The following RAC3 variants were observed in gnomAD, a reference collection of about 807,000 sequenced individuals.
RAC3 encodes Rac family small GTPase 3.
A neutral mutation model predicts 19.0 loss-of-function variants in RAC3; 9 were observed. The observed-to-expected ratio is 0.47, with a 90% CI of 0.29 to 0.83. The LOEUF (loss-of-function observed/expected upper bound fraction) is 0.83, where lower values mean the gene tolerates loss of function less well. RAC3 is among the 40% of genes least tolerant of loss of function. The pLI is 0.09. For missense variants in RAC3, 203 were observed against 260.8 expected (o/e 0.78, Z 1.53); for synonymous variants, 146 against 111.8 (o/e 1.31, Z -1.93).
chr17:82,032,381 C>T lies in RAC3; in HGVS notation c.36-6C>T, dbSNP rs1026908105. 8 of 1,612,256 alleles carry T rather than the reference C, an allele frequency of 5.0e-6. No homozygotes were observed. In the African/African-American group the frequency reaches 6.7e-5, roughly 13 times the overall value. Reference sequence around the variant, plus strand: ...CCGGGAGCCACGTGGCTTGCCCTGTCCGCAGCGCCGTGGGGAAGACATGCT... The same window carrying T: ...CCGGGAGCCACGTGGCTTGCCCTGTTCGCAGCGCCGTGGGGAAGACATGCT... On this transcript the variant is annotated splice_region_variant and splice_polypyrimidine_tract_variant and intron_variant, in intron 1 of 5. Transcript: ENST00000306897.
intron 1 of RAC3, 59 bp downstream of exon 1, chr17:82,031,855 T>C: frequency 4.9e-6 from 1 of 204,420 alleles, no homozygotes; most frequent in Non-Finnish European, 8.1e-6. Context: ...GCTCGGGGGC[T>C]CGGGGCGCAG....
At position 82,033,364 on chromosome 17, in the gene RAC3, T is replaced by C. The variant is rs573324939; in HGVS notation, c.289-76T>C. 2.8e-6 allele frequency: 4 copies of C among 1,445,178 alleles called. No individual in the cohort carries two copies. Among genetic ancestry groups the C allele is most frequent in the African/African-American group, 1.4e-5 (1 of 70,416 alleles). 89.5% of individuals were successfully genotyped at this position (1,445,178 alleles called of 1,614,324 possible). A position where few individuals can be genotyped will look rare whatever the true frequency, so the allele number is the denominator to read the frequency against. ...GCTCTGGAACAGTGGGGAAAGTCCCTGAGGGCCGTGACTTGCTCAGGTGGG... is the reference window on the plus strand; with the variant it reads ...GCTCTGGAACAGTGGGGAAAGTCCCCGAGGGCCGTGACTTGCTCAGGTGGG... On this transcript the variant is annotated intron_variant, in intron 4 of 5. Coordinates refer to ENST00000306897, the MANE Select transcript of RAC3 (RefSeq NM_005052.3). This position sits in a 1 kb window ranked among gnomAD's most constrained non-coding sequence, Gnocchi z 6.2.
Position 82,033,217 on chromosome 17 carries a change from G to C in RAC3, c.288+208G>C, listed in dbSNP as rs570931289. ...GGGTTCTGAGGGCTCTGGCTGCTGG[G>C]GATGGGCCTTGACTAGGAGGCCCTG... On this transcript the variant is annotated intron_variant, in intron 4 of 5. Coordinates refer to ENST00000306897, the MANE Select transcript of RAC3 (RefSeq NM_005052.3). This position sits in a 1 kb window ranked among gnomAD's most constrained non-coding sequence, Gnocchi z 6.2. 2.6e-5 allele frequency among the ~76,000 whole-genome samples: 4 copies of C among 152,310 alleles called. No homozygotes were observed. The highest frequency in any genetic ancestry group is 9.6e-5 in the African/African-American group (4 of 41,562).
chr17:82,033,452 G>A lies in RAC3; in HGVS notation c.301G>A (p.Val101Met). Residue 101 changes from valine to methionine, a missense_variant, in exon 5 of 6, where the codon GTG (valine) becomes ATG (methionine). Coordinates refer to ENST00000306897, the MANE Select transcript of RAC3 (RefSeq NM_005052.3). The surrounding 1 kb of genome is among the most constrained non-coding windows in gnomAD (Gnocchi z 6.2). ...ENVRAKWYPE[V>M]RHHCPHTPIL... ...TCTGTCCCTGCAGTGGTACCCGGAG[G>A]TGCGGCACCACTGCCCCCACACGCC... 6.2e-7 allele frequency: 1 copy of A among 1,606,674 alleles called. No homozygotes were observed. The highest frequency in any genetic ancestry group is 2.2e-5 in the East Asian group (1 of 44,850).
chr17:82,033,991 C>T lies in RAC3; in HGVS notation c.*162C>T. On this transcript the variant is annotated 3_prime_UTR_variant, in exon 6 of 6. Transcript: ENST00000306897. The surrounding 1 kb of genome is among the most constrained non-coding windows in gnomAD (Gnocchi z 6.2). The stretch of plus-strand genomic sequence containing the variant: ...GCTGGGTGGCAGGATCCTGTCCTCT[C>T]TGCCGCCTCATTCTGGGGTGTGGCT... 1.0e-6 allele frequency: 1 copy of T among 954,582 alleles called. No homozygotes were observed. Among genetic ancestry groups the T allele is most frequent in the Non-Finnish European group, 1.5e-6 (1 of 666,402 alleles). The allele number at this position is 954,582 out of a possible 1,614,324, so 59.1% of individuals were successfully genotyped here.
intron 2 of RAC3, 46 bp downstream of exon 2, chr17:82,032,504 T>C (rs773106889): frequency 1.9e-6 from 3 of 1,599,264 alleles, no homozygotes; most frequent in East Asian, 2.2e-5. Flanking sequence ...TCCGTGTGAG[T>C]GTGGCATGGG....
In RAC3 at chr17:82,033,460, C is replaced by A; in HGVS notation, c.309C>A (p.His103Gln). 6.2e-7 allele frequency: 1 copy of A among 1,609,496 alleles called. No individual in the cohort carries two copies. Residue 103 changes from histidine to glutamine, a missense_variant, in exon 5 of 6, where the codon CAC becomes CAA. Coordinates refer to ENST00000306897, the MANE Select transcript of RAC3 (RefSeq NM_005052.3). The surrounding 1 kb of genome is among the most constrained non-coding windows in gnomAD (Gnocchi z 6.2). ...VRAKWYPEVR[H>Q]HCPHTPILLV... ...TGCAGTGGTACCCGGAGGTGCGGCA[C>A]CACTGCCCCCACACGCCCATCCTCC...
rs143991702 is a variant in RAC3 at position 82,033,167 on chromosome 17, T to G, written c.288+158T>G. ...CATGGGGGCTGATGGGGTGCCGTGG[T>G]GGTGGTCACAGCTCTCAGAATGGAG... On this transcript the variant is annotated intron_variant, in intron 4 of 5. Transcript: ENST00000306897. This position sits in a 1 kb window ranked among gnomAD's most constrained non-coding sequence, Gnocchi z 6.2. Among the ~76,000 whole-genome samples, 1 of 152,096 alleles carries G rather than the reference T, an allele frequency of 6.6e-6. No homozygotes were observed. The highest frequency in any genetic ancestry group is 2.4e-5 in the African/African-American group (1 of 41,474).
rs1262313313 is a variant in RAC3, at chr17:82,032,847, A to G, written c.225+19A>G. On this transcript the variant is annotated intron_variant, in intron 3 of 5. Coordinates refer to ENST00000306897, the MANE Select transcript of RAC3 (RefSeq NM_005052.3). ...CCAAACTGTACGTAACAATGGGGCC[A>G]GCCCCGGGAGCTGGGGGGGTCCCTG... 2 of 1,611,590 alleles carry G rather than the reference A, an allele frequency of 1.2e-6. No individual in the cohort carries two copies. Among genetic ancestry groups the G allele is most frequent in the African/African-American group, 2.7e-5 (2 of 74,878 alleles).
rs1050823573 is a variant in RAC3, at chr17:82,033,973, G to A, written c.*144G>A. 1 of 1,137,496 alleles carries A rather than the reference G, an allele frequency of 8.8e-7. No homozygotes were observed. Among genetic ancestry groups the A allele is most frequent in the Admixed American group, 2.5e-5 (1 of 40,256 alleles). 70.5% of individuals were successfully genotyped at this position (1,137,496 alleles called of 1,614,324 possible). ...GGGAAGCATGGGGATGAGGCTGGGT[G>A]GCAGGATCCTGTCCTCTCTGCCGCC... On this transcript the variant is annotated 3_prime_UTR_variant, in exon 6 of 6. Transcript: ENST00000306897. The surrounding 1 kb of genome is among the most constrained non-coding windows in gnomAD (Gnocchi z 6.2).
chr17:82,033,095 AC>A lies in RAC3; in HGVS notation c.288+87del, dbSNP rs993232813. ...GTTGTCCTTTAGAGGCAATTGCGAT[AC>A]GGGTTCTGCCTGGGGTAGGCACACG... is the stretch of plus-strand genomic sequence containing the variant. On this transcript the variant is annotated intron_variant, in intron 4 of 5. Coordinates refer to ENST00000306897, the MANE Select transcript of RAC3 (RefSeq NM_005052.3). The surrounding 1 kb of genome is among the most constrained non-coding windows in gnomAD (Gnocchi z 6.2). 3.7e-5 allele frequency: 48 copies of A among 1,293,758 alleles called. No individual in the cohort carries two copies. In the African/African-American group the frequency reaches 4.7e-4, roughly 13 times the overall value. The allele number at this position is 1,293,758 out of a possible 1,614,324, so 80.1% of individuals were successfully genotyped here. A position where few individuals can be genotyped will look rare whatever the true frequency, so the allele number is the denominator to read the frequency against.
Position 82,032,942 on chromosome 17 carries a change from C to T in RAC3, c.226-5C>T, listed in dbSNP as rs745546286. ...CACTCCACCAGGTCCCACCTTTTTC[C>T]CAAGGACGTCTTTCTGATCTGCTTC... On this transcript the variant is annotated splice_region_variant and splice_polypyrimidine_tract_variant and intron_variant, in intron 3 of 5. Transcript: ENST00000306897. 47 of 1,613,512 alleles carry T rather than the reference C, an allele frequency of 2.9e-5. No individual in the cohort carries two copies. The highest frequency in any genetic ancestry group is 5.0e-5 in the Admixed American group (3 of 60,008).
At position 82,033,350 on chromosome 17, in the gene RAC3, G is replaced by A; in HGVS notation, c.289-90G>A. On this transcript the variant is annotated intron_variant, in intron 4 of 5. Coordinates refer to ENST00000306897, the MANE Select transcript of RAC3 (RefSeq NM_005052.3). The surrounding 1 kb of genome is among the most constrained non-coding windows in gnomAD (Gnocchi z 6.2). ...AAGAGCCAAGTGTAGCTCTGGAACA[G>A]TGGGGAAAGTCCCTGAGGGCCGTGA... 2 of 1,385,478 alleles carry A rather than the reference G, an allele frequency of 1.4e-6. No individual in the cohort carries two copies. The highest frequency in any genetic ancestry group is 2.7e-5 in the Admixed American group (1 of 37,074). The allele number at this position is 1,385,478 out of a possible 1,614,324, so 85.8% of individuals were successfully genotyped here.
At position 82,033,823 on chromosome 17, in the gene RAC3, C is replaced by T. The variant is rs12936032; in HGVS notation, c.573C>T (p.Val191=). The T allele has an allele frequency of 4.3e-5, 69 of 1,598,122 alleles. 1 individual carries two copies. In the Admixed American group the frequency reaches 1.1e-3, roughly 26 times the overall value. ...PVKKPGKKCT[V]F ...AGAAGCCGGGGAAGAAGTGCACCGT[C>T]TTCTAGAGCCCTGGCCCACCCGAGC... Residue 191 remains valine, a synonymous_variant, in exon 6 of 6, where the codon GTC becomes GTT. Transcript: ENST00000306897. This position sits in a 1 kb window ranked among gnomAD's most constrained non-coding sequence, Gnocchi z 6.2.
chr17:82,033,774 CG>C lies in RAC3; in HGVS notation c.526del (p.Val176CysfsTer7). 6.2e-7 allele frequency: 1 copy of C among 1,612,508 alleles called. No individual in the cohort carries two copies. The highest frequency in any genetic ancestry group is 8.5e-7 in the Non-Finnish European group (1 of 1,179,716). On this transcript the variant is annotated frameshift_variant, in exon 6 of 6. Coordinates refer to ENST00000306897, the MANE Select transcript of RAC3 (RefSeq NM_005052.3). LOFTEE classifies it high-confidence loss of function. The surrounding 1 kb of genome is among the most constrained non-coding windows in gnomAD (Gnocchi z 6.2). The part of the protein sequence containing the change: ...LKTVFDEAIR[A>X]VLCPPPVKKP... ...ACAGTGTTTGACGAGGCGATCCGCG[CG>C]GTGCTCTGCCCGCCCCCAGTGAAGA... is the stretch of plus-strand genomic sequence containing the variant.
In RAC3 at chr17:82,034,019, A is replaced by C. The variant is rs2043459757; in HGVS notation, c.*190A>C. 2 of 650,950 alleles carry C rather than the reference A, an allele frequency of 3.1e-6. No individual in the cohort carries two copies. Among genetic ancestry groups the C allele is most frequent in the African/African-American group, 3.8e-5 (2 of 52,258 alleles). 40.3% of individuals were successfully genotyped at this position (650,950 alleles called of 1,614,324 possible). On this transcript the variant is annotated 3_prime_UTR_variant, in exon 6 of 6. Coordinates refer to ENST00000306897, the MANE Select transcript of RAC3 (RefSeq NM_005052.3). ...CCGCCTCATTCTGGGGTGTGGCTCC[A>C]GCCTTCCCTGGCCCCCGCCGGAGGC...
chr17:82,033,857 T>C lies in RAC3; in HGVS notation c.*28T>C, dbSNP rs1383784637. The C allele has an allele frequency of 6.4e-7, 1 of 1,564,414 alleles. No homozygotes were observed. Among genetic ancestry groups the C allele is most frequent in the Non-Finnish European group, 8.7e-7 (1 of 1,154,586 alleles). On this transcript the variant is annotated 3_prime_UTR_variant, in exon 6 of 6. Transcript: ENST00000306897. This position sits in a 1 kb window ranked among gnomAD's most constrained non-coding sequence, Gnocchi z 6.2. ...CCCTGGCCCACCCGAGCCTGAGGGC[T>C]GGCGGGGAGCAGCCCTGGACGTGTC...
Position 82,033,674 on chromosome 17 carries a change from T to C in RAC3, c.449-25T>C, listed in dbSNP as rs1387223662. 9.3e-6 allele frequency: 15 copies of C among 1,607,152 alleles called. No individual in the cohort carries two copies. In the South Asian group the frequency reaches 1.7e-4, roughly 18 times the overall value. On this transcript the variant is annotated intron_variant, in intron 5 of 5. Transcript: ENST00000306897. This position sits in a 1 kb window ranked among gnomAD's most constrained non-coding sequence, Gnocchi z 6.2. Reference sequence around the variant, plus strand: ...GGGCCTCCCTGTACCCCACCCTCACTGTCTCCCCTCCTCACTGCCGCTAGG... The same window carrying C: ...GGGCCTCCCTGTACCCCACCCTCACCGTCTCCCCTCCTCACTGCCGCTAGG...
At position 82,033,667 on chromosome 17, in the gene RAC3, C is replaced by T. The variant is rs377394814; in HGVS notation, c.449-32C>T. On this transcript the variant is annotated intron_variant, in intron 5 of 5. Transcript: ENST00000306897. The surrounding 1 kb of genome is among the most constrained non-coding windows in gnomAD (Gnocchi z 6.2). ...GCAGTAAGGGCCTCCCTGTACCCCA[C>T]CCTCACTGTCTCCCCTCCTCACTGC... 3.7e-6 allele frequency: 6 copies of T among 1,606,104 alleles called. No individual in the cohort carries two copies. In the African/African-American group the frequency reaches 4.0e-5, roughly 11 times the overall value.
Sources: gnomAD v4.1 joint callset for allele counts (sites outside exome capture counted in the v4.1 genomes callset) on GRCh38, gnomAD v4.1.1 for gene constraint, Gnocchi (gnomAD v3.1) non-coding constraint, MANE v1.5 for transcripts, NCBI Gene and HGNC (gene_info 2026-07-23, HGNC 2026-07-21) for gene names.